Variants in WDR4 observed in about 807,000 individuals in gnomAD.
The protein encoded by WDR4 is tRNA (guanine-N(7)-)-methyltransferase non-catalytic subunit WDR4.
Under a neutral mutation model 48.6 loss-of-function variants are expected in WDR4, and 47 were observed. The ratio of observed to expected loss-of-function variants is 0.97; its 90% CI spans 0.77 to 1.23. WDR4 has a LOEUF of 1.23. Among genes scored for constraint, WDR4 ranks in the 50% most tolerant of loss-of-function variants. The pLI is 0.00. For synonymous variants in WDR4, 268 were observed against 230.0 expected (o/e 1.17, Z -1.49); for missense variants, 606 against 551.6 (o/e 1.10, Z -0.99).
chr21:42,884,468 GA>G (rs1341149136), upstream of WDR4, among the ~76,000 whole-genome samples: 1 of 152,032 alleles, frequency 6.6e-6, no homozygotes, highest in East Asian at 1.9e-4. Context: ...CCAACATTGT[GA>G]AACCCCACTT....
chr21:42,865,787 G>A (rs1256796537), intron 3 of WDR4, among the ~76,000 whole-genome samples: 1 of 152,014 alleles, frequency 6.6e-6, no homozygotes, highest in Admixed American at 6.6e-5. Context: ...CACAGTCACT[G>A]GGTTCAGGGC....
At chr21:42,850,323 G>C in intron 10 of WDR4, 81 bp from the exon 11 acceptor site, 1 of 1,343,102 alleles carries the variant, frequency 7.4e-7, no homozygotes, top group East Asian at 2.5e-5. Flanking sequence ...CCTGCAGCAG[G>C]GAGTTACCTC....
Position 42,850,024 on chromosome 21 carries a change from T to C in WDR4, c.*25A>G. 1 of 1,605,962 alleles carries C rather than the reference T, an allele frequency of 6.2e-7. No homozygotes were observed. The highest frequency in any genetic ancestry group is 8.5e-7 in the Non-Finnish European group (1 of 1,178,056). The stretch of plus-strand genomic sequence containing the variant: ...TTAAAAAGCTTTTCCTAATTTGAGG[T>C]GAGAGACACCACTGACCGCCACGAT... On this transcript the variant is annotated 3_prime_UTR_variant, in exon 11 of 11. Transcript: ENST00000398208.
chr21:42,879,520 C>A lies in WDR4; in HGVS notation c.-25G>T. On this transcript the variant is annotated 5_prime_UTR_variant, in exon 1 of 11. Transcript: ENST00000398208. ...TGTACCCGCCCGCCTCACCGCCATA[C>A]ACATGTGCCAGCCCAGAGCCTCTTC... The A allele has an allele frequency of 6.2e-7, 1 of 1,611,998 alleles. No individual in the cohort carries two copies.
chr21:42,874,997 C>A (rs2058459378), intron 2 of WDR4, among the ~76,000 whole-genome samples: 1 of 152,144 alleles, frequency 6.6e-6, no homozygotes, highest in Non-Finnish European at 1.5e-5. Flanking sequence ...ATCACGGAAC[C>A]TACCGACATG....
chr21:42,871,625 A>G (rs147012561), intron 3 of WDR4, among the ~76,000 whole-genome samples: 1 of 152,350 alleles, frequency 6.6e-6, no homozygotes, highest in African/African-American at 2.4e-5. Flanking sequence ...GCAGCCATTT[A>G]TTATCAGTTA....
intron 3 of WDR4, among the ~76,000 whole-genome samples, chr21:42,869,905 C>T (rs938362928): frequency 1.2e-4 from 18 of 151,450 alleles, no homozygotes; most frequent in South Asian, 8.3e-4. Context: ...CCCAGCTACT[C>T]GGGAGGCTGA....
At chr21:42,849,061 CCA>C (rs772745135), downstream of WDR4, among the ~76,000 whole-genome samples, 18 of 129,182 alleles carry the variant, frequency 1.4e-4, no homozygotes, top group South Asian at 5.4e-4. Flanking sequence ...GCGGCGTGCA[CCA>C]CACACACAGC....
At chr21:42,879,151 G>A in intron 1 of WDR4, 1 of 1,287,864 alleles carries the variant, frequency 7.8e-7, no homozygotes, top group South Asian at 2.3e-5. Flanking sequence ...CAAGAACACC[G>A]CAGACCAGCC....
chr21:42,867,393 CA>C lies in WDR4; in HGVS notation c.297-3798del, dbSNP rs1209418380. Among the ~76,000 whole-genome samples, 494 of 133,528 alleles carry C rather than the reference CA, an allele frequency of 3.7e-3. 1 individual carries two copies. Among genetic ancestry groups the C allele is most frequent in the Admixed American group, 7.2e-3 (87 of 12,092 alleles). 87.6% of individuals were successfully genotyped at this position (133,528 alleles called of 152,430 possible). On this transcript the variant is annotated intron_variant, in intron 3 of 10. Coordinates refer to ENST00000398208, the MANE Select transcript of WDR4 (RefSeq NM_018669.6). ...GTGACAAAGAGACACTCCGCTCCAC[CA>C]AAAAAAAAAAAAAAAAAAAGTGAAC...
Position 42,853,738 on chromosome 21 carries a change from T to C in WDR4, c.806A>G (p.Tyr269Cys), listed in dbSNP as rs750778721. 1.3e-6 allele frequency: 2 copies of C among 1,558,338 alleles called. No individual in the cohort carries two copies. Among genetic ancestry groups the C allele is most frequent in the Admixed American group, 1.9e-5 (1 of 51,370 alleles). The change falls in exon 9 of 11, where the codon TAC becomes TGC. Residue 269 changes from tyrosine to cysteine, a missense_variant. Transcript: ENST00000398208. Reference sequence around the variant, plus strand: ...TCTGCGGGCGTCCAGCTGGAAGATGTAGACCACAGGAGTGCTTGCCACGAA... The same window carrying C: ...TCTGCGGGCGTCCAGCTGGAAGATGCAGACCACAGGAGTGCTTGCCACGAA... ...ALLCDGTPVV[Y>C]IFQLDARRQQ...
Position 42,849,862 on chromosome 21 carries a change from G to T in WDR4, c.*187C>A. On this transcript the variant is annotated 3_prime_UTR_variant, in exon 11 of 11. Transcript: ENST00000398208. ...CCCTTCAACCAGAAAGGGGGCACAGGCACCCAGCAAGAGCCTGTGCTGGTG... is the reference window on the plus strand; with the variant it reads ...CCCTTCAACCAGAAAGGGGGCACAGTCACCCAGCAAGAGCCTGTGCTGGTG... 1 of 664,772 alleles carries T rather than the reference G, an allele frequency of 1.5e-6. No individual in the cohort carries two copies. The highest frequency in any genetic ancestry group is 2.4e-6 in the Non-Finnish European group (1 of 413,118). 41.2% of individuals were successfully genotyped at this position (664,772 alleles called of 1,614,324 possible).
At chr21:42,879,386 C>T (rs1387416908) in intron 1 of WDR4, 21 bp downstream of exon 1, 1 of 1,612,232 alleles carries the variant, frequency 6.2e-7, no homozygotes, top group African/African-American at 1.3e-5. Flanking sequence ...TCTCCCTGTT[C>T]CAAGACCAAG....
At chr21:42,844,606 G>T (rs184463871), downstream of WDR4, among the ~76,000 whole-genome samples, 7 of 152,340 alleles carry the variant, frequency 4.6e-5, no homozygotes, top group East Asian at 1.2e-3. Flanking sequence ...ACGCAGCTCT[G>T]ACCTGAGTGG....
chr21:42,861,785 G>A (rs2058122019), intron 5 of WDR4, among the ~76,000 whole-genome samples: 1 of 152,240 alleles, frequency 6.6e-6, no homozygotes, highest in Admixed American at 6.5e-5. Context: ...TTTCCTTTGT[G>A]TAAATTCTAA....
At chr21:42,845,587 G>A (rs2057704031), downstream of WDR4, among the ~76,000 whole-genome samples, 1 of 152,214 alleles carries the variant, frequency 6.6e-6, no homozygotes. Flanking sequence ...ATCAAGGTTA[G>A]GTCTGGATCG....
At chr21:42,863,638 G>T in intron 3 of WDR4, 42 bp from the exon 4 acceptor site, 4 of 1,592,818 alleles carry the variant, frequency 2.5e-6, no homozygotes, top group Middle Eastern at 1.7e-4. Context: ...TCCAGGAGCA[G>T]CGCAGGGTCC....
intron 5 of WDR4, among the ~76,000 whole-genome samples, chr21:42,860,438 G>A (rs1332659691): frequency 1.3e-5 from 2 of 152,266 alleles, no homozygotes; most frequent in African/African-American, 4.8e-5. Flanking sequence ...AGGGTGACAA[G>A]GCCCCTTTTC....
At chr21:42,851,297 C>T (rs762787270) in intron 10 of WDR4, among the ~76,000 whole-genome samples, 1 of 152,194 alleles carries the variant, frequency 6.6e-6, no homozygotes. Context: ...ATCCCAACCA[C>T]GCTGGGGGGC....
Sources: gnomAD v4.1 joint callset for allele counts (sites outside exome capture counted in the v4.1 genomes callset) on GRCh38, gnomAD v4.1.1 for gene constraint, MANE v1.5 for transcripts, NCBI Gene and HGNC (gene_info 2026-07-23, HGNC 2026-07-21) for gene names.